RIN2: variants seen among roughly 807,000 people sequenced by gnomAD.
RIN2 encodes the protein RAB5 interacting protein 2.
A neutral mutation model predicts 78.0 loss-of-function variants in RIN2; 36 were observed. The observed-to-expected ratio is 0.46, with a 90% CI of 0.35 to 0.61. The LOEUF is 0.61. Among genes scored for constraint, RIN2 ranks in the 20% least tolerant of loss-of-function variants. The pLI is 0.00. For synonymous variants in RIN2, 466 were observed against 466.8 expected (o/e 1.00, Z 0.02); for missense variants, 1,087 against 1,159.7 (o/e 0.94, Z 0.91).
intron 2 of RIN2, among the ~76,000 whole-genome samples, chr20:19,848,184 A>G (rs1568811367): frequency 6.6e-6 from 1 of 152,162 alleles, no homozygotes; most frequent in Non-Finnish European, 1.5e-5. Context: ...CTACAGTTAT[A>G]TGATATGTGT....
chr20:19,800,561 T>G (rs770338267), intron 2 of RIN2, among the ~76,000 whole-genome samples: 5 of 152,194 alleles, frequency 3.3e-5, no homozygotes, highest in Non-Finnish European at 7.4e-5. Flanking sequence ...CCAGCCACCA[T>G]GTTTCTGGGA....
At chr20:19,903,308 AAG>A (rs1386989487) in intron 3 of RIN2, among the ~76,000 whole-genome samples, 2 of 152,108 alleles carry the variant, frequency 1.3e-5, no homozygotes, top group Middle Eastern at 3.4e-3. Context: ...TGTGTGTCGA[AAG>A]AGGGGGCCAT....
In RIN2 at chr20:19,928,541, G is replaced by A. The variant is rs149519800; in HGVS notation, c.58-6558G>A. On this transcript the variant is annotated intron_variant, in intron 3 of 12. Transcript: ENST00000255006. ...TGATTACAAAATGGTACAAATTACT[G>A]TAGACTCCTGCACCAGACTGGAACT... Among the ~76,000 whole-genome samples, 86 of 152,292 alleles carry A rather than the reference G, an allele frequency of 5.6e-4. 1 individual carries two copies. In the East Asian group the frequency reaches 0.014, roughly 25 times the overall value.
chr20:19,821,281 T>C (rs145696448), intron 2 of RIN2, among the ~76,000 whole-genome samples: 2,154 of 152,288 alleles, frequency 0.014, 50 homozygotes, highest in African/African-American at 0.049. Flanking sequence ...TCTTTCTAGA[T>C]GTCTTATTTT....
chr20:19,929,114 C>T (rs1334719067), intron 3 of RIN2, among the ~76,000 whole-genome samples: 1 of 152,170 alleles, frequency 6.6e-6, no homozygotes, highest in Non-Finnish European at 1.5e-5. Flanking sequence ...CCTCTGGCTG[C>T]ACTGAATCAC....
chr20:19,783,547 G>A (rs1318941742), intron 1 of RIN2, among the ~76,000 whole-genome samples: 1 of 151,812 alleles, frequency 6.6e-6, no homozygotes, highest in Non-Finnish European at 1.5e-5. Context: ...GAGGCCCTGA[G>A]CTGGGGAGCT....
chr20:19,759,007 A>AC (rs2033512596), intron 1 of RIN2, among the ~76,000 whole-genome samples: 1 of 152,014 alleles, frequency 6.6e-6, no homozygotes, highest in South Asian at 2.1e-4. Flanking sequence ...CCGGGAAGGG[A>AC]CGGGGCCACT....
At chr20:19,771,852 C>G (rs148403945) in intron 1 of RIN2, among the ~76,000 whole-genome samples, 10 of 152,280 alleles carry the variant, frequency 6.6e-5, no homozygotes, top group Middle Eastern at 3.4e-3. Context: ...TCCGACTCTC[C>G]CTTCTCAAGC....
intron 11 of RIN2, among the ~76,000 whole-genome samples, chr20:19,994,337 G>C (rs1475632680): frequency 1.3e-5 from 2 of 152,208 alleles, no homozygotes; most frequent in Non-Finnish European, 2.9e-5. Context: ...ATACAGATTG[G>C]ACTTTTCCGT....
intron 3 of RIN2, among the ~76,000 whole-genome samples, chr20:19,904,560 C>A (rs908088117): frequency 6.6e-6 from 1 of 151,994 alleles, no homozygotes; most frequent in Non-Finnish European, 1.5e-5. Flanking sequence ...AGAGCATTCC[C>A]GGATAAGGAA....
chr20:19,901,139 C>A (rs2038964538), intron 3 of RIN2, among the ~76,000 whole-genome samples: 1 of 152,068 alleles, frequency 6.6e-6, no homozygotes, highest in Admixed American at 6.6e-5. Context: ...ATAGAAACGT[C>A]TTCATTCTCA....
At chr20:19,886,022 G>T (rs1053089119) in intron 2 of RIN2, among the ~76,000 whole-genome samples, 2 of 152,186 alleles carry the variant, frequency 1.3e-5, no homozygotes, top group Non-Finnish European at 2.9e-5. Context: ...TAGGCGACGG[G>T]GGAGGGCAGA....
intron 1 of RIN2, among the ~76,000 whole-genome samples, chr20:19,764,918 G>GTTTTTTTTTTTTTTTTTTTTTTTTTTT (rs10605325): frequency 2.0e-5 from 1 of 50,390 alleles, no homozygotes; most frequent in Non-Finnish European, 3.6e-5. Context: ...CACTTTCTGC[G>GTTTTTTTTTTTTTTTTTTTTTTTTTTT]TTTTTTTTTT....
intron 3 of RIN2, among the ~76,000 whole-genome samples, chr20:19,903,562 G>A (rs1372478909): frequency 6.6e-6 from 1 of 152,130 alleles, no homozygotes; most frequent in Non-Finnish European, 1.5e-5. Context: ...CTTGACCACT[G>A]GTTCTCTGGA....
At chr20:19,784,218 G>A (rs1454153877) in intron 1 of RIN2, among the ~76,000 whole-genome samples, 1 of 152,234 alleles carries the variant, frequency 6.6e-6, no homozygotes, top group East Asian at 1.9e-4. Context: ...CTTTGCTGAT[G>A]CAGTTGATGT....
At chr20:19,805,319 C>T (rs2035372776) in intron 2 of RIN2, among the ~76,000 whole-genome samples, 1 of 152,220 alleles carries the variant, frequency 6.6e-6, no homozygotes, top group Non-Finnish European at 1.5e-5. Context: ...CCCACCATCA[C>T]TGCGACAGAC....
intron 2 of RIN2, among the ~76,000 whole-genome samples, chr20:19,879,686 T>C (rs972221705): frequency 1.3e-5 from 2 of 152,236 alleles, no homozygotes; most frequent in Non-Finnish European, 2.9e-5. Context: ...TTCCGTGGAC[T>C]TTTTTCATTG....
intron 11 of RIN2, among the ~76,000 whole-genome samples, chr20:19,995,497 C>T (rs2042932344): frequency 6.6e-6 from 1 of 152,096 alleles, no homozygotes; most frequent in Non-Finnish European, 1.5e-5. Context: ...ATAAGTTCCT[C>T]CCCAGGCACC....
chr20:19,824,456 C>T (rs759708076), intron 2 of RIN2, among the ~76,000 whole-genome samples: 23 of 152,160 alleles, frequency 1.5e-4, no homozygotes, highest in Non-Finnish European at 2.9e-4. Context: ...CAAAAATTAA[C>T]GCAGGCAGGT....
Sources: allele counts gnomAD v4.1 joint callset (sites outside exome capture counted in the v4.1 genomes callset), GRCh38; gene constraint gnomAD v4.1.1; transcripts MANE v1.5; gene names NCBI Gene and HGNC (gene_info 2026-07-23, HGNC 2026-07-21).